ANKRD31: variants seen among roughly 807,000 people sequenced by gnomAD.
ANKRD31 encodes ankyrin repeat domain-containing protein 31.
Under a neutral mutation model 186.0 loss-of-function variants are expected in ANKRD31, and 147 were observed. The observed-to-expected ratio is 0.79, with a 90% CI of 0.69 to 0.91. ANKRD31 has a LOEUF of 0.91. Ranked by LOEUF, ANKRD31 falls within the 40% of genes least tolerant of loss-of-function variation. The probability of loss-of-function intolerance (pLI) is 0.00; values close to 1 mark genes in which losing one functional copy is unlikely to be tolerated. For missense variants in ANKRD31, 1,986 were observed against 2,148.8 expected (o/e 0.92, Z 1.50); for synonymous variants, 673 against 736.4 (o/e 0.91, Z 1.39).
chr5:75,101,283 C>A (rs979703503), intron 22 of ANKRD31, among the ~76,000 whole-genome samples: 1 of 152,058 alleles, frequency 6.6e-6, no homozygotes. Context: ...AGAGTTTCTG[C>A]CAAGAGATCT....
intron 19 of ANKRD31, among the ~76,000 whole-genome samples, chr5:75,114,796 T>G (rs1192683450): frequency 6.6e-6 from 1 of 152,150 alleles, no homozygotes; most frequent in African/African-American, 2.4e-5. Context: ...TGCTCATGGA[T>G]AGGAAGAATC....
Position 75,146,586 on chromosome 5 carries a change from A to C in ANKRD31, c.2825T>G (p.Phe942Cys). The C allele has an allele frequency of 1.3e-6, 2 of 1,535,690 alleles. No individual in the cohort carries two copies. The highest frequency in any genetic ancestry group is 1.7e-6 in the Non-Finnish European group (2 of 1,146,162). The change falls in exon 14 of 26, where the codon TTC becomes TGC. Residue 942 changes from phenylalanine (F) to cysteine (C), a missense_variant. Transcript: ENST00000506364. ...ATCTTCAGAAAGTAAAAACTGTTGGAAACCCATTTCTTTTTTATTTGTTAA... is the reference window on the plus strand; with the variant it reads ...ATCTTCAGAAAGTAAAAACTGTTGGCAACCCATTTCTTTTTTATTTGTTAA... Reference protein sequence around the residue: ...ENLTNKKEMGFQQFLLSEDHL... With the variant: ...ENLTNKKEMGCQQFLLSEDHL...
intron 24 of ANKRD31, 132 bp downstream of exon 24, chr5:75,084,140 C>T (rs1745299066): frequency 4.3e-6 from 3 of 699,844 alleles, no homozygotes; most frequent in Non-Finnish European, 7.2e-6. Flanking sequence ...AATTGTTCAC[C>T]TTGAAATAGT....
intron 2 of ANKRD31, among the ~76,000 whole-genome samples, chr5:75,222,591 T>G (rs1337082439): frequency 6.6e-6 from 1 of 152,076 alleles, no homozygotes; most frequent in Admixed American, 6.6e-5. Context: ...TCCTCTAAGT[T>G]CTCTCCCCTC....
rs986072827 is a variant in ANKRD31 at position 75,104,369 on chromosome 5, G to C, written c.5190C>G (p.Ser1730=). ...TTGTATCTTGTTGCCCAGATCCAGA[G>C]GAAGAGGAGATCTGACTGTCATCTG... ...PCADDSQISS[S]SGSGQQDTIK... The change falls in exon 22 of 26, where the codon TCC becomes TCG. Residue 1730 remains serine (S), a synonymous_variant. Coordinates refer to ENST00000506364, the MANE Select transcript of ANKRD31 (RefSeq NM_001372053.1). 1.5e-5 allele frequency: 23 copies of C among 1,537,148 alleles called. No individual in the cohort carries two copies. In the Admixed American group the frequency reaches 4.5e-4, roughly 30 times the overall value.
At chr5:75,223,644 G>C (rs1259183654) in intron 2 of ANKRD31, among the ~76,000 whole-genome samples, 1 of 152,112 alleles carries the variant, frequency 6.6e-6, no homozygotes, top group East Asian at 1.9e-4. Context: ...GATGGGAATG[G>C]ATTCAAGGAA....
rs1192341913 is a variant in ANKRD31, at chr5:75,147,506, C to T, written c.1906-1G>A. 1 of 1,424,346 alleles carries T rather than the reference C, an allele frequency of 7.0e-7. No individual in the cohort carries two copies. 88.2% of individuals were successfully genotyped at this position (1,424,346 alleles called of 1,614,324 possible). ...GACTTTTAGAACTGAACTTTGGTTT[C>T]TATAGAAAAAAAATACATAGTTAGC... On this transcript the variant is annotated splice_acceptor_variant, in intron 13 of 25. Transcript: ENST00000506364. LOFTEE classifies it high-confidence loss of function.
chr5:75,082,959 C>T (rs1745200686), intron 24 of ANKRD31, among the ~76,000 whole-genome samples: 1 of 152,164 alleles, frequency 6.6e-6, no homozygotes, highest in Admixed American at 6.5e-5. Flanking sequence ...CGCTGTGCTT[C>T]CTACATAGAA....
intron 12 of ANKRD31, among the ~76,000 whole-genome samples, chr5:75,153,018 T>C (rs139657928): frequency 9.3e-4 from 142 of 152,148 alleles, no homozygotes; most frequent in African/African-American, 3.1e-3. Flanking sequence ...ATATCACTTT[T>C]AAGATTAGGT....
intron 15 of ANKRD31, among the ~76,000 whole-genome samples, chr5:75,142,985 C>A (rs1751161669): frequency 6.6e-6 from 1 of 152,156 alleles, no homozygotes. Context: ...AGAATGTATT[C>A]TCTCATAGTT....
chr5:75,235,941 G>C (rs954407404), intron 1 of ANKRD31, among the ~76,000 whole-genome samples: 5 of 152,200 alleles, frequency 3.3e-5, no homozygotes, highest in African/African-American at 9.7e-5. Flanking sequence ...CTGGAGAAGA[G>C]AGAGAGGGAA....
intron 17 of ANKRD31, among the ~76,000 whole-genome samples, chr5:75,127,121 G>A (rs1749316787): frequency 6.6e-6 from 1 of 150,576 alleles, no homozygotes; most frequent in Non-Finnish European, 1.5e-5. Flanking sequence ...GGAGGTAGAG[G>A]TTGCAGGAAG....
At chr5:75,174,770 C>T (rs1220319316) in intron 10 of ANKRD31, among the ~76,000 whole-genome samples, 1 of 152,212 alleles carries the variant, frequency 6.6e-6, no homozygotes, top group African/African-American at 2.4e-5. Flanking sequence ...AACGCTTTTA[C>T]ACTGTTGGTG....
Position 75,236,738 on chromosome 5 carries a change from C to T in ANKRD31, c.-52G>A. 1.4e-6 allele frequency: 2 copies of T among 1,413,794 alleles called. No individual in the cohort carries two copies. The highest frequency in any genetic ancestry group is 1.9e-6 in the Non-Finnish European group (2 of 1,059,140). The allele number at this position is 1,413,794 out of a possible 1,614,324, so 87.6% of individuals were successfully genotyped here. ...TACCCTCCTCTAACTCCCTCTTGCC[C>T]GCAAACAAAAAAACGCTTTGAGGGC... On this transcript the variant is annotated 5_prime_UTR_variant, in exon 1 of 26. Transcript: ENST00000506364.
intron 10 of ANKRD31, among the ~76,000 whole-genome samples, chr5:75,176,846 G>C (rs908303337): frequency 6.6e-6 from 1 of 152,330 alleles, no homozygotes; most frequent in African/African-American, 2.4e-5. Context: ...CTAAAGGAAC[G>C]CAGCTCCTCA....
rs191791580 is a variant in ANKRD31, at chr5:75,147,421, T to G, written c.1990A>C (p.Asn664His). 3.9e-6 allele frequency: 6 copies of G among 1,521,654 alleles called. No homozygotes were observed. In the African/African-American group the frequency reaches 4.2e-5, roughly 11 times the overall value. The allele number at this position is 1,521,654 out of a possible 1,614,324, so 94.3% of individuals were successfully genotyped here. The stretch of plus-strand genomic sequence containing the variant: ...AATAAACTCGCTTTGCTTCCTTTAT[T>G]GACTTTTACATGTTCCAGCTTCTGT... The part of the protein sequence containing the change: ...NRQKLEHVKV[N>H]KGSKASLFIN... The change falls in exon 14 of 26, where the codon AAT (asparagine) becomes CAT (histidine). Residue 664 changes from asparagine to histidine, a missense_variant. By Grantham distance (68) the Asn-to-His change is moderately conservative (BLOSUM62 1). Coordinates refer to ENST00000506364, the MANE Select transcript of ANKRD31 (RefSeq NM_001372053.1).
chr5:75,146,935 A>C lies in ANKRD31; in HGVS notation c.2476T>G (p.Leu826Val), dbSNP rs1020462424. ...GCTTCAGTTTGGTCAACAGATTCTA[A>C]TTCCAAGCATTGAACTTCTTGACTA... ...SDSQEVQCLELESVDQTEAVS... is the reference protein window; with the variant it reads ...SDSQEVQCLEVESVDQTEAVS... Residue 826 changes from leucine to valine, a missense_variant, in exon 14 of 26, where the codon TTA becomes GTA. Leu to Val is a conservative substitution (Grantham distance 32). Coordinates refer to ENST00000506364, the MANE Select transcript of ANKRD31 (RefSeq NM_001372053.1). The C allele has an allele frequency of 3.9e-6, 6 of 1,536,328 alleles. No homozygotes were observed. The highest frequency in any genetic ancestry group is 5.2e-6 in the Non-Finnish European group (6 of 1,146,314).
intron 20 of ANKRD31, among the ~76,000 whole-genome samples, chr5:75,108,639 G>T (rs995796604): frequency 2.0e-5 from 3 of 152,080 alleles, no homozygotes; most frequent in African/African-American, 7.2e-5. Context: ...GGTAGAATTT[G>T]TTTTAGAAAT....
intron 11 of ANKRD31, among the ~76,000 whole-genome samples, chr5:75,165,115 G>C (rs1006585557): frequency 1.3e-5 from 2 of 152,110 alleles, no homozygotes; most frequent in Non-Finnish European, 2.9e-5. Context: ...TGCTTTCAGA[G>C]TTGTAATTTT....
Sources: allele counts gnomAD v4.1 joint callset (sites outside exome capture counted in the v4.1 genomes callset), GRCh38; gene constraint gnomAD v4.1.1; transcripts MANE v1.5; gene names NCBI Gene and HGNC (gene_info 2026-07-23, HGNC 2026-07-21).